Variants in CSMD1 observed in about 807,000 individuals in gnomAD.
The protein encoded by CSMD1 is CUB and sushi domain-containing protein 1.
In CSMD1, 213 loss-of-function variants were observed where a neutral mutation model predicts 417.5. The observed-to-expected ratio is 0.51, with a 90% CI of 0.46 to 0.57. The LOEUF (loss-of-function observed/expected upper bound fraction) is 0.57. Among genes scored for constraint, CSMD1 ranks in the 20% least tolerant of loss-of-function variants. The pLI is 0.00. For synonymous variants in CSMD1, 2,862 were observed against 1,736.8 expected, an observed-to-expected ratio of 1.65 and a Z score of -16.11; for missense variants, 6,923 against 4,529.7, an observed-to-expected ratio of 1.53 and a Z score of -15.17.
At chr8:4,700,667 A>G (rs1807468180) in intron 1 of CSMD1, among the ~76,000 whole-genome samples, 1 of 152,212 alleles carries the variant, frequency 6.6e-6, no homozygotes, top group African/African-American at 2.4e-5. Context: ...ACACATAAAG[A>G]GAATATACTA....
intron 33 of CSMD1, among the ~76,000 whole-genome samples, chr8:3,192,658 A>C (rs1434994729): frequency 6.6e-6 from 1 of 152,202 alleles, no homozygotes; most frequent in Non-Finnish European, 1.5e-5. Flanking sequence ...ACAATATTTT[A>C]TATTTTGAAA....
At chr8:4,211,720 C>A (rs1800324036) in intron 3 of CSMD1, among the ~76,000 whole-genome samples, 1 of 152,172 alleles carries the variant, frequency 6.6e-6, no homozygotes, top group Non-Finnish European at 1.5e-5. Context: ...CCTGACTTTG[C>A]AAGTGGGGAG....
rs374772588 is a variant in CSMD1 at position 4,163,218 on chromosome 8, C to G, written c.416-131119G>C. Among the ~76,000 whole-genome samples, 10 of 152,274 alleles carry G rather than the reference C, an allele frequency of 6.6e-5. No individual in the cohort carries two copies. In the South Asian group the frequency reaches 1.0e-3, roughly 16 times the overall value. ...ATCCCTTGGCAGGTTTTTCAGTACA[C>G]GTAAGTTTTTAGCTCCTTCAGATAA... On this transcript the variant is annotated intron_variant, in intron 3 of 69. Transcript: ENST00000635120.
intron 7 of CSMD1, among the ~76,000 whole-genome samples, chr8:3,642,142 A>G (rs901461036): frequency 3.9e-5 from 6 of 151,964 alleles, no homozygotes; most frequent in African/African-American, 1.4e-4. Context: ...ACACAAATAG[A>G]CAAAGATATG....
At chr8:4,086,929 C>G (rs994170652) in intron 3 of CSMD1, among the ~76,000 whole-genome samples, 2 of 152,200 alleles carry the variant, frequency 1.3e-5, no homozygotes, top group African/African-American at 4.8e-5. Context: ...TTGTTAAACT[C>G]ACTAACCAGC....
intron 1 of CSMD1, among the ~76,000 whole-genome samples, chr8:4,837,608 T>C (rs895224317): frequency 2.6e-5 from 4 of 152,058 alleles, no homozygotes; most frequent in Admixed American, 1.3e-4. Context: ...TACCAGAGGC[T>C]GGGAAGGACA....
intron 5 of CSMD1, among the ~76,000 whole-genome samples, chr8:3,921,848 G>C (rs892045283): frequency 6.6e-6 from 1 of 152,130 alleles, no homozygotes; most frequent in Non-Finnish European, 1.5e-5. Flanking sequence ...TTAGAAAAAT[G>C]TATATGCTGC....
rs114241582 is a variant in CSMD1 at position 4,072,956 on chromosome 8, T to C, written c.416-40857A>G. On this transcript the variant is annotated intron_variant, in intron 3 of 69. Transcript: ENST00000635120. Reference sequence around the variant, plus strand: ...AACATTCTTTCAAAAGTTTTTAAAATTTTGCTCGTGACATCAGATTTTGCC... The same window carrying C: ...AACATTCTTTCAAAAGTTTTTAAAACTTTGCTCGTGACATCAGATTTTGCC... Among the ~76,000 whole-genome samples the C allele has an allele frequency of 5.4e-3, 820 of 152,306 alleles. 7 individuals carry two copies. The highest frequency in any genetic ancestry group is 0.019 in the African/African-American group (781 of 41,562).
At chr8:3,026,328 C>T (rs1269278036) in intron 51 of CSMD1, among the ~76,000 whole-genome samples, 1 of 152,196 alleles carries the variant, frequency 6.6e-6, no homozygotes, top group Non-Finnish European at 1.5e-5. Context: ...ATCTGAACCT[C>T]ACTGGACCTC....
intron 3 of CSMD1, among the ~76,000 whole-genome samples, chr8:4,203,664 C>T (rs373931685): frequency 6.6e-6 from 1 of 152,040 alleles, no homozygotes; most frequent in Non-Finnish European, 1.5e-5. Context: ...GTTGGTTCCT[C>T]TCCTGGCCAT....
intron 3 of CSMD1, among the ~76,000 whole-genome samples, chr8:4,066,897 A>G (rs987678589): frequency 3.3e-5 from 5 of 152,236 alleles, no homozygotes; most frequent in Admixed American, 6.5e-5. Context: ...AAACGTAACT[A>G]TAACATTATG....
chr8:3,848,354 T>G (rs1210660215), intron 5 of CSMD1, among the ~76,000 whole-genome samples: 1 of 151,576 alleles, frequency 6.6e-6, no homozygotes, highest in African/African-American at 2.4e-5. Context: ...TTAAAGAGAG[T>G]AACTAGAAAA....
intron 2 of CSMD1, among the ~76,000 whole-genome samples, chr8:4,455,759 C>T (rs931557549): frequency 3.3e-5 from 5 of 150,938 alleles, no homozygotes; most frequent in Admixed American, 6.6e-5. Flanking sequence ...GGTGAAACCC[C>T]GTCTCTACTA....
Position 4,790,642 on chromosome 8 carries a change from C to G in CSMD1, c.86-153084G>C, listed in dbSNP as rs139809989. ...CTGGTACAAAAGCAGACACATAGACCAATGCAACAGGTTACAGAACCCAGA... is the reference window on the plus strand; with the variant it reads ...CTGGTACAAAAGCAGACACATAGACGAATGCAACAGGTTACAGAACCCAGA... On this transcript the variant is annotated intron_variant, in intron 1 of 69. Coordinates refer to ENST00000635120, the MANE Select transcript of CSMD1 (RefSeq NM_033225.6). Among the ~76,000 whole-genome samples the G allele has an allele frequency of 5.2e-3, 787 of 152,184 alleles. 2 individuals carry two copies. The highest frequency in any genetic ancestry group is 0.018 in the African/African-American group (755 of 41,522).
At chr8:4,228,112 C>T (rs546372507) in intron 3 of CSMD1, among the ~76,000 whole-genome samples, 1 of 152,220 alleles carries the variant, frequency 6.6e-6, no homozygotes, top group African/African-American at 2.4e-5. Flanking sequence ...TTCATTCAAC[C>T]CCGTAACAGG....
chr8:4,485,888 G>A (rs1027154787), intron 2 of CSMD1, among the ~76,000 whole-genome samples: 9 of 151,914 alleles, frequency 5.9e-5, no homozygotes, highest in African/African-American at 9.7e-5. Flanking sequence ...TGACCAGGGA[G>A]TAAGAAGTGG....
At chr8:4,254,019 C>T (rs1803268890) in intron 3 of CSMD1, among the ~76,000 whole-genome samples, 1 of 147,946 alleles carries the variant, frequency 6.8e-6, no homozygotes, top group Admixed American at 6.9e-5. Flanking sequence ...AGGGTTCATG[C>T]CATTCTCCCG....
intron 2 of CSMD1, among the ~76,000 whole-genome samples, chr8:4,523,620 C>G (rs1803605978): frequency 6.6e-6 from 1 of 152,072 alleles, no homozygotes; most frequent in Non-Finnish European, 1.5e-5. Context: ...TAATGCAAGT[C>G]AGAAAACCAA....
At chr8:3,187,020 C>G (rs537799360) in intron 36 of CSMD1, among the ~76,000 whole-genome samples, 43 of 152,322 alleles carry the variant, frequency 2.8e-4, no homozygotes, top group African/African-American at 9.9e-4. Flanking sequence ...GCCGGGCTTA[C>G]AGGCATGAGC....
Sources: allele counts gnomAD v4.1 joint callset (sites outside exome capture counted in the v4.1 genomes callset), GRCh38; gene constraint gnomAD v4.1.1; transcripts MANE v1.5; gene names NCBI Gene and HGNC (gene_info 2026-07-23, HGNC 2026-07-21).